HIBADH: variants seen among roughly 807,000 people sequenced by gnomAD.
HIBADH encodes the protein 3-hydroxyisobutyrate dehydrogenase, mitochondrial.
HIBADH carries 25 observed loss-of-function variants against 36.1 expected under a neutral mutation model. The observed-to-expected ratio is 0.69, with a 90% confidence interval of 0.50 to 0.97. The LOEUF is 0.97. HIBADH is among the 50% of genes least tolerant of loss of function. HIBADH has a pLI of 0.00. For synonymous variants in HIBADH, 160 were observed against 149.5 expected (o/e 1.07, Z -0.51); for missense variants, 421 against 418.0 (o/e 1.01, Z -0.06).
chr7:27,606,919 T>C (rs1785237713), intron 4 of HIBADH, among the ~76,000 whole-genome samples: 1 of 139,704 alleles, frequency 7.2e-6, no homozygotes, highest in Non-Finnish European at 1.5e-5. Flanking sequence ...GAGGACAATG[T>C]AATCTCTCTC....
chr7:27,647,863 A>C (rs1186922198), intron 2 of HIBADH: 2 of 192,112 alleles, frequency 1.0e-5, no homozygotes, highest in Non-Finnish European at 2.5e-5. Flanking sequence ...TACTACAGGC[A>C]TAGAGGGAAG....
chr7:27,571,586 G>C (rs1381504762), intron 4 of HIBADH, among the ~76,000 whole-genome samples: 2 of 152,136 alleles, frequency 1.3e-5, no homozygotes, highest in African/African-American at 4.8e-5. Context: ...GGAAACATCA[G>C]TATCTACAGT....
At chr7:27,598,284 A>AT (rs1176881811) in intron 4 of HIBADH, among the ~76,000 whole-genome samples, 2 of 152,226 alleles carry the variant, frequency 1.3e-5, no homozygotes, top group Non-Finnish European at 2.9e-5. Flanking sequence ...AAAGAACCAC[A>AT]TAACTTCTTT....
rs202102262 is a variant in HIBADH at position 27,530,530 on chromosome 7, AAAAC to A, written c.852+658_852+661del. On this transcript the variant is annotated intron_variant, in intron 7 of 7. Transcript: ENST00000265395. ...CCGTATTCTTACTTTTTAATCAGGA[AAAAC>A]AAACAAACAAACAAACAAACAAAAA... Among the ~76,000 whole-genome samples, 580 of 152,074 alleles carry A rather than the reference AAAAC, an allele frequency of 3.8e-3. 1 individual carries two copies. Among genetic ancestry groups the A allele is most frequent in the Admixed American group, 7.5e-3 (114 of 15,278 alleles).
chr7:27,560,872 A>G (rs1784455886), intron 4 of HIBADH, among the ~76,000 whole-genome samples: 2 of 152,194 alleles, frequency 1.3e-5, no homozygotes, highest in Non-Finnish European at 2.9e-5. Context: ...TTTTTGCAGA[A>G]CCACCAATAT....
At chr7:27,646,969 T>C (rs1483745079) in intron 2 of HIBADH, among the ~76,000 whole-genome samples, 1 of 152,130 alleles carries the variant, frequency 6.6e-6, no homozygotes, top group Non-Finnish European at 1.5e-5. Context: ...ATGCTGGGAT[T>C]ATAGGCACAA....
chr7:27,557,870 A>G (rs1299530929), intron 4 of HIBADH, among the ~76,000 whole-genome samples: 1 of 152,224 alleles, frequency 6.6e-6, no homozygotes, highest in Non-Finnish European at 1.5e-5. Context: ...AGAACTAAGT[A>G]TTACTTGAAG....
chr7:27,553,991 T>A (rs1284279320), intron 4 of HIBADH, among the ~76,000 whole-genome samples: 1 of 151,744 alleles, frequency 6.6e-6, no homozygotes, highest in African/African-American at 2.4e-5. Context: ...TGGGTTTGTA[T>A]GTTTGTTTGT....
intron 7 of HIBADH, among the ~76,000 whole-genome samples, chr7:27,527,844 G>A (rs940591510): frequency 6.9e-6 from 1 of 145,222 alleles, no homozygotes; most frequent in Non-Finnish European, 1.5e-5. Context: ...TCTGCCTCCT[G>A]GGTTCAAGTG....
intron 2 of HIBADH, 107 bp from the exon 3 acceptor site, chr7:27,632,552 T>C: frequency 2.7e-6 from 1 of 369,014 alleles, no homozygotes; most frequent in African/African-American, 3.3e-5. Flanking sequence ...TGACAGTGCA[T>C]AAAGACTAAT....
chr7:27,554,324 G>A (rs1784361297), intron 4 of HIBADH, among the ~76,000 whole-genome samples: 1 of 152,202 alleles, frequency 6.6e-6, no homozygotes, highest in Admixed American at 6.5e-5. Flanking sequence ...GGAAAAAAAA[G>A]CCAAATAGCT....
chr7:27,641,264 C>A (rs537378273), intron 2 of HIBADH, among the ~76,000 whole-genome samples: 1 of 152,300 alleles, frequency 6.6e-6, no homozygotes, highest in South Asian at 2.1e-4. Context: ...CCCTGCAAAT[C>A]TCTCACTGAA....
intron 2 of HIBADH, among the ~76,000 whole-genome samples, chr7:27,635,383 T>C (rs1358131254): frequency 1.3e-5 from 2 of 152,176 alleles, no homozygotes; most frequent in African/African-American, 2.4e-5. Context: ...AAAGACAGCA[T>C]GGATCAGTGA....
At chr7:27,662,461 A>G (rs537439047) in intron 1 of HIBADH, among the ~76,000 whole-genome samples, 1 of 152,214 alleles carries the variant, frequency 6.6e-6, no homozygotes, top group South Asian at 2.1e-4. Flanking sequence ...AATCCCGAAA[A>G]GGGCGCTGAA....
At chr7:27,582,446 C>G (rs1287193533) in intron 4 of HIBADH, among the ~76,000 whole-genome samples, 1 of 152,006 alleles carries the variant, frequency 6.6e-6, no homozygotes, top group Admixed American at 6.6e-5. Context: ...CACATGACTC[C>G]AAGAGTTTCA....
At chr7:27,618,183 T>C (rs1276113344) in intron 4 of HIBADH, among the ~76,000 whole-genome samples, 1 of 152,180 alleles carries the variant, frequency 6.6e-6, no homozygotes, top group African/African-American at 2.4e-5. Flanking sequence ...TCTGTACACT[T>C]GCTCCTGCTA....
chr7:27,624,957 TAAG>T (rs1785614876), intron 4 of HIBADH, among the ~76,000 whole-genome samples: 1 of 152,310 alleles, frequency 6.6e-6, no homozygotes, highest in Non-Finnish European at 1.5e-5. Context: ...CCATGGTGTG[TAAG>T]AATGCGAATA....
chr7:27,574,635 C>T (rs890405356), intron 4 of HIBADH, among the ~76,000 whole-genome samples: 6 of 152,122 alleles, frequency 3.9e-5, no homozygotes, highest in African/African-American at 1.4e-4. Context: ...TGGTTATGCA[C>T]ACCTCCCCCT....
At chr7:27,621,081 A>G (rs552673322) in intron 4 of HIBADH, among the ~76,000 whole-genome samples, 201 of 147,590 alleles carry the variant, frequency 1.4e-3, no homozygotes, top group Non-Finnish European at 2.3e-3. Flanking sequence ...GAATCGTTAT[A>G]CTTACATCAA....
Sources: allele counts gnomAD v4.1 joint callset (sites outside exome capture counted in the v4.1 genomes callset), GRCh38; gene constraint gnomAD v4.1.1; transcripts MANE v1.5; gene names NCBI Gene and HGNC (gene_info 2026-07-23, HGNC 2026-07-21).